ITIH1: variants seen among roughly 807,000 people sequenced by gnomAD.
ITIH1 encodes the protein inter-alpha-trypsin inhibitor heavy chain 1, also known as inter-alpha-trypsin inhibitor heavy chain H1.
A neutral mutation model predicts 104.6 loss-of-function variants in ITIH1; 94 were observed. That is an observed-to-expected ratio of 0.90 (90% CI 0.76 to 1.07). The LOEUF is 1.07. Ranked by LOEUF, ITIH1 falls within the 50% of genes least tolerant of loss-of-function variation. The pLI is 0.00. For missense variants in ITIH1, 1,193 were observed against 1,181.4 expected, an observed-to-expected ratio of 1.01 and a Z score of -0.14; for synonymous variants, 455 against 464.4, an observed-to-expected ratio of 0.98 and a Z score of 0.26.
intron 17 of ITIH1, 55 bp downstream of exon 17, chr3:52,788,121 G>C: frequency 3.3e-6 from 5 of 1,535,200 alleles, no homozygotes; most frequent in Non-Finnish European, 4.5e-6. Flanking sequence ...ACCCTATCTG[G>C]CTGTCTCTCT....
intron 20 of ITIH1, among the ~76,000 whole-genome samples, chr3:52,791,290 G>A (rs140738902): frequency 7.6e-4 from 115 of 152,182 alleles, no homozygotes; most frequent in African/African-American, 2.6e-3. Context: ...TCCCCAGACA[G>A]ATCCCGTTTT....
chr3:52,787,493 A>G, intron 15 of ITIH1, 99 bp from the exon 16 acceptor site: 1 of 1,435,924 alleles, frequency 7.0e-7, no homozygotes, highest in East Asian at 2.3e-5. Flanking sequence ...CCCCAGAGGG[A>G]CGGCTGGGCC....
In ITIH1 at chr3:52,786,957, C is replaced by T; in HGVS notation, c.1746C>T (p.Asp582=). The part of the protein sequence containing the change: ...QELLAKRMKV[D]REERANLSSQ... ...GTCTTGAATGCAGGATGAAGGTGGA[C>T]AGGGAGGAGAGGGCCAACCTGTCAT... Residue 582 remains aspartate (D), a synonymous_variant, in exon 14 of 22, where the codon GAC becomes GAT. Transcript: ENST00000273283. The T allele has an allele frequency of 1.9e-6, 3 of 1,612,816 alleles. No individual in the cohort carries two copies. Among genetic ancestry groups the T allele is most frequent in the Non-Finnish European group, 2.5e-6 (3 of 1,179,242 alleles).
rs762880150 is a variant in ITIH1 at position 52,784,419 on chromosome 3, A to C, written c.1349A>C (p.Glu450Ala). The change falls in exon 11 of 22, where the codon GAG (glutamate) becomes GCG (alanine). Residue 450 changes from glutamate to alanine, a missense_variant. Transcript: ENST00000273283. ...DFNFLEVMSMENNGRAQRIYE... is the reference protein window; with the variant it reads ...DFNFLEVMSMANNGRAQRIYE... ...AACTTTCTGGAGGTCATGTCCATGGAGAACAACGGACGGGCCCAGAGAATC... is the reference window on the plus strand; with the variant it reads ...AACTTTCTGGAGGTCATGTCCATGGCGAACAACGGACGGGCCCAGAGAATC... 7 of 1,614,032 alleles carry C rather than the reference A, an allele frequency of 4.3e-6. No individual in the cohort carries two copies. The South Asian group carries it at 7.7e-5, about 18-fold the overall frequency.
Position 52,787,058 on chromosome 3 carries a change from AC to A in ITIH1, c.1849del (p.Gln617ArgfsTer4). 2.5e-6 allele frequency: 4 copies of A among 1,614,140 alleles called. No individual in the cohort carries two copies. The South Asian group carries it at 4.4e-5, about 18-fold the overall frequency. ...TCCATGAGCATCAGGGGCATGGCGG[AC>A]CAGGACGGCCTGAAGCCCACCATCG... ...LTSMSIRGMA[D>X]QDGLKPTIDK... is the part of the protein sequence containing the mutation. On this transcript the variant is annotated frameshift_variant, in exon 14 of 22. Coordinates refer to ENST00000273283, the MANE Select transcript of ITIH1 (RefSeq NM_002215.4). LOFTEE classifies it high-confidence loss of function.
At position 52,783,107 on chromosome 3, in the gene ITIH1, G is replaced by A. The variant is rs368925072; in HGVS notation, c.1081G>A (p.Gly361Ser). 8.1e-6 allele frequency: 13 copies of A among 1,613,926 alleles called. No individual in the cohort carries two copies. The highest frequency in any genetic ancestry group is 1.1e-5 in the Non-Finnish European group (13 of 1,179,994). Residue 361 changes from glycine to serine, a missense_variant, in exon 9 of 22, where the codon GGC becomes AGC. Transcript: ENST00000273283. ...NLQAAQDFVR[G>S]FSLDEATNLN... is the part of the protein sequence containing the mutation. Reference sequence around the variant, plus strand: ...ACAAGCAGCTCAAGACTTTGTGCGGGGCTTTTCCCTGGATGAGGGTAAGGG... The same window carrying A: ...ACAAGCAGCTCAAGACTTTGTGCGGAGCTTTTCCCTGGATGAGGGTAAGGG...
chr3:52,788,325 TGGTA>T lies in ITIH1; in HGVS notation c.2100_2103del (p.Val701ArgfsTer9). 1 of 1,604,674 alleles carries T rather than the reference TGGTA, an allele frequency of 6.2e-7. No homozygotes were observed. The highest frequency in any genetic ancestry group is 8.5e-7 in the Non-Finnish European group (1 of 1,174,566). On this transcript the variant is annotated frameshift_variant, in exon 18 of 22. Coordinates refer to ENST00000273283, the MANE Select transcript of ITIH1 (RefSeq NM_002215.4). LOFTEE classifies it high-confidence loss of function. ...GAGGAGCCTGGTGTTATCCTGAGCC[TGGTA>T]CAGGACCCCAACACAGGTATGGCGG...
chr3:52,786,475 C>T, intron 13 of ITIH1, 41 bp downstream of exon 13: 1 of 1,541,598 alleles, frequency 6.5e-7, no homozygotes, highest in Non-Finnish European at 8.8e-7. Flanking sequence ...ACTGCCCACC[C>T]CAGAGTCCCC....
At chr3:52,778,905 G>A in intron 3 of ITIH1, 37 bp from the exon 4 acceptor site, 10 of 1,453,638 alleles carry the variant, frequency 6.9e-6, no homozygotes, top group Non-Finnish European at 9.7e-6. Flanking sequence ...TGGTCAGGAG[G>A]CTCATCTTTC....
At chr3:52,787,874 C>A in intron 16 of ITIH1, 112 bp from the exon 17 acceptor site, 1 of 1,094,538 alleles carries the variant, frequency 9.1e-7, no homozygotes, top group Admixed American at 1.7e-5. Context: ...GACATCCCTG[C>A]TTGGTGGCCT....
At position 52,786,352 on chromosome 3, in the gene ITIH1, C is replaced by A; in HGVS notation, c.1651C>A (p.Leu551Ile). The A allele has an allele frequency of 6.3e-7, 1 of 1,576,320 alleles. No homozygotes were observed. The highest frequency in any genetic ancestry group is 8.6e-7 in the Non-Finnish European group (1 of 1,160,186). ...LVDEEEMKKLLRERGHMLENH... is the reference protein window; with the variant it reads ...LVDEEEMKKLIRERGHMLENH... ...GGATGAGGAGGAGATGAAGAAACTG[C>A]TCCGAGAGCGTGGCCACATGCTGGA... Residue 551 changes from leucine to isoleucine, a missense_variant, in exon 13 of 22, where the codon CTC becomes ATC. Leu to Ile is a conservative substitution (Grantham distance 5). Coordinates refer to ENST00000273283, the MANE Select transcript of ITIH1 (RefSeq NM_002215.4).
At position 52,788,212 on chromosome 3, in the gene ITIH1, A is replaced by G. The variant is rs770136131; in HGVS notation, c.2006-20A>G. On this transcript the variant is annotated intron_variant, in intron 17 of 21. Coordinates refer to ENST00000273283, the MANE Select transcript of ITIH1 (RefSeq NM_002215.4). ...ATCTGCCCGATGTCCAATCTAACGA[A>G]TTCCATGCTGTGCCCCCAGTGGACA... 17 of 1,584,466 alleles carry G rather than the reference A, an allele frequency of 1.1e-5. No individual in the cohort carries two copies. Among genetic ancestry groups the G allele is most frequent in the Non-Finnish European group, 1.3e-5 (15 of 1,156,226 alleles).
intron 12 of ITIH1, among the ~76,000 whole-genome samples, chr3:52,785,658 C>T (rs973404792): frequency 2.7e-4 from 41 of 152,162 alleles, no homozygotes; most frequent in African/African-American, 9.7e-4. Context: ...TGGATCCTGC[C>T]CTCCAGGACA....
At chr3:52,785,312 C>T in intron 12 of ITIH1, 83 bp downstream of exon 12, 11 of 1,310,314 alleles carry the variant, frequency 8.4e-6, no homozygotes, top group Non-Finnish European at 1.2e-5. Context: ...TTCCTGCCAT[C>T]CCCCAGAGGC....
In ITIH1 at chr3:52,789,744, C is replaced by A. The variant is rs777846461; in HGVS notation, c.2211C>A (p.Asn737Lys). ...ACTTCGGGCGGCTGGGAATCGCAAA[C>A]CCTGCCACGGACTTTCAGTTGGAAG... ...GTYFGRLGIA[N>K]PATDFQLEVT... The change falls in exon 19 of 22, where the codon AAC becomes AAA. Residue 737 changes from asparagine (N) to lysine (K), a missense_variant. Coordinates refer to ENST00000273283, the MANE Select transcript of ITIH1 (RefSeq NM_002215.4). The A allele has an allele frequency of 6.2e-7, 1 of 1,614,228 alleles. No homozygotes were observed. The highest frequency in any genetic ancestry group is 8.5e-7 in the Non-Finnish European group (1 of 1,180,042).
At position 52,778,490 on chromosome 3, in the gene ITIH1, A is replaced by T. The variant is rs1698959100; in HGVS notation, c.289A>T (p.Ile97Phe). Residue 97 changes from isoleucine to phenylalanine, a missense_variant, in exon 3 of 22, where the codon ATC becomes TTC. Coordinates refer to ENST00000273283, the MANE Select transcript of ITIH1 (RefSeq NM_002215.4). ...FDLEIPKTAF[I>F]SDFAVTADGN... ...CCTGGAAATCCCCAAGACAGCATTC[A>T]TCAGTGACTTTGCCGTGTGCGTGCC... The T allele has an allele frequency of 6.2e-7, 1 of 1,614,114 alleles. No homozygotes were observed. The highest frequency in any genetic ancestry group is 1.3e-5 in the African/African-American group (1 of 74,940).
In ITIH1 at chr3:52,788,284, G is replaced by C. The variant is rs763531784; in HGVS notation, c.2058G>C (p.Leu686=). The C allele has an allele frequency of 1.2e-6, 2 of 1,612,170 alleles. No individual in the cohort carries two copies. The highest frequency in any genetic ancestry group is 1.7e-5 in the Admixed American group (1 of 59,702). The change falls in exon 18 of 22, where the codon CTG becomes CTC. Residue 686 remains leucine, a synonymous_variant. Coordinates refer to ENST00000273283, the MANE Select transcript of ITIH1 (RefSeq NM_002215.4). The part of the protein sequence containing the change: ...IIHVPQKEDT[L]CFNINEEPGV... ...ACGTGCCCCAGAAAGAGGACACCCT[G>C]TGCTTCAACATCAATGAGGAGCCTG...
chr3:52,783,454 G>A, intron 10 of ITIH1, 115 bp downstream of exon 10: 1 of 1,180,044 alleles, frequency 8.5e-7, no homozygotes, highest in South Asian at 1.4e-5. Flanking sequence ...GAAAAGCTCA[G>A]GGCAAAATCA....
At chr3:52,789,979 A>C in intron 19 of ITIH1, 125 bp downstream of exon 19, 1 of 919,758 alleles carries the variant, frequency 1.1e-6, no homozygotes, top group Non-Finnish European at 1.7e-6. Context: ...GCCTGTGCAG[A>C]CATGTCAGAC....
Sources: allele counts gnomAD v4.1 joint callset (sites outside exome capture counted in the v4.1 genomes callset), GRCh38; gene constraint gnomAD v4.1.1; transcripts MANE v1.5; gene names NCBI Gene and HGNC (gene_info 2026-07-23, HGNC 2026-07-21).